The following CCDC91 variants were observed in gnomAD, a reference collection of about 807,000 sequenced individuals.
The protein encoded by CCDC91 is coiled-coil domain-containing protein 91.
CCDC91 carries 48 observed loss-of-function variants against 63.2 expected under a neutral mutation model. That is an observed-to-expected ratio of 0.76 (90% confidence interval 0.60 to 0.97). The LOEUF is 0.97. CCDC91 is among the 50% of genes least tolerant of loss of function. The probability of loss-of-function intolerance (pLI) is 0.00; values close to 1 mark genes in which losing one functional copy is unlikely to be tolerated. For missense variants in CCDC91, 500 were observed against 494.6 expected, an observed-to-expected ratio of 1.01 and a Z score of -0.10; for synonymous variants, 167 against 165.8, an observed-to-expected ratio of 1.01 and a Z score of -0.06.
chr12:28,416,839 A>G (rs1592610192), intron 8 of CCDC91, among the ~76,000 whole-genome samples: 1 of 152,146 alleles, frequency 6.6e-6, no homozygotes, highest in South Asian at 2.1e-4. Flanking sequence ...AACTATAGCA[A>G]TGGTTATACA....
At chr12:28,267,379 T>A (rs1947261059) in intron 3 of CCDC91, among the ~76,000 whole-genome samples, 1 of 151,496 alleles carries the variant, frequency 6.6e-6, no homozygotes, top group Admixed American at 6.6e-5. Context: ...TAGTACTGTT[T>A]TTTAAGGATA....
At chr12:28,379,171 T>G (rs1296839296) in intron 7 of CCDC91, among the ~76,000 whole-genome samples, 1 of 151,832 alleles carries the variant, frequency 6.6e-6, no homozygotes, top group Admixed American at 6.6e-5. Flanking sequence ...TAAAAGACCT[T>G]AAGATGTGTA....
intron 12 of CCDC91, among the ~76,000 whole-genome samples, chr12:28,501,770 C>T (rs1446916162): frequency 6.6e-6 from 1 of 151,798 alleles, no homozygotes; most frequent in African/African-American, 2.4e-5. Flanking sequence ...GGAATAGTTT[C>T]AGAAGGAATG....
chr12:28,536,595 C>A (rs1302306768), intron 12 of CCDC91, among the ~76,000 whole-genome samples: 1 of 152,090 alleles, frequency 6.6e-6, no homozygotes, highest in African/African-American at 2.4e-5. Context: ...CCAGTTTGTT[C>A]TTCTGTACAA....
intron 3 of CCDC91, among the ~76,000 whole-genome samples, chr12:28,299,780 A>G (rs1048083987): frequency 1.3e-5 from 2 of 151,264 alleles, no homozygotes; most frequent in African/African-American, 4.8e-5. Flanking sequence ...CCTTTTGTAT[A>G]TTTTCATTTT....
intron 2 of CCDC91, among the ~76,000 whole-genome samples, chr12:28,258,195 C>T (rs978378236): frequency 4.0e-5 from 6 of 151,664 alleles, no homozygotes; most frequent in African/African-American, 1.5e-4. Flanking sequence ...TTTAAGCATG[C>T]TTGTATGCTT....
At chr12:28,497,618 T>G (rs940156212) in intron 12 of CCDC91, among the ~76,000 whole-genome samples, 6 of 151,614 alleles carry the variant, frequency 4.0e-5, no homozygotes, top group African/African-American at 1.2e-4. Flanking sequence ...CAGGATAAGC[T>G]GTATATCCAG....
intron 12 of CCDC91, among the ~76,000 whole-genome samples, chr12:28,520,329 G>T (rs1940481190): frequency 6.6e-6 from 1 of 152,166 alleles, no homozygotes; most frequent in Admixed American, 6.5e-5. Flanking sequence ...CAGTGATGAT[G>T]AGAATTTTTT....
intron 1 of CCDC91, among the ~76,000 whole-genome samples, chr12:28,224,930 A>G (rs1205484608): frequency 6.6e-6 from 1 of 152,170 alleles, no homozygotes; most frequent in Non-Finnish European, 1.5e-5. Flanking sequence ...ATAACCAGGA[A>G]TAAGACTTGA....
At chr12:28,455,059 A>G (rs1949996356) in intron 11 of CCDC91, among the ~76,000 whole-genome samples, 1 of 152,146 alleles carries the variant, frequency 6.6e-6, no homozygotes, top group African/African-American at 2.4e-5. Flanking sequence ...AAGTAAATGA[A>G]TAATGTATCT....
At chr12:28,431,550 T>G (rs1325436270) in intron 8 of CCDC91, among the ~76,000 whole-genome samples, 2 of 152,082 alleles carry the variant, frequency 1.3e-5, no homozygotes, top group African/African-American at 4.8e-5. Context: ...ATTTTTCCAT[T>G]CATTAATTTT....
intron 3 of CCDC91, among the ~76,000 whole-genome samples, chr12:28,269,562 C>T (rs1947601635): frequency 6.6e-6 from 1 of 152,086 alleles, no homozygotes; most frequent in Non-Finnish European, 1.5e-5. Context: ...AACCCTGCCA[C>T]CCATGACTCC....
intron 8 of CCDC91, among the ~76,000 whole-genome samples, chr12:28,445,304 C>T (rs1188642797): frequency 6.6e-6 from 1 of 152,096 alleles, no homozygotes; most frequent in East Asian, 1.9e-4. Flanking sequence ...TATCCTACCT[C>T]TTAGTCCCCC....
chr12:28,201,342 C>T (rs12473302), intron 1 of CCDC91, among the ~76,000 whole-genome samples: 1 of 149,264 alleles, frequency 6.7e-6, no homozygotes. Context: ...CTCCTCACCT[C>T]CCAGACGGGG....
intron 11 of CCDC91, among the ~76,000 whole-genome samples, chr12:28,460,236 A>G (rs1332058922): frequency 1.3e-5 from 2 of 152,142 alleles, no homozygotes; most frequent in Non-Finnish European, 2.9e-5. Context: ...TAAGAACTGA[A>G]GAAGTTTGCC....
chr12:28,545,830 A>G (rs865796040), intron 12 of CCDC91, among the ~76,000 whole-genome samples: 3 of 152,118 alleles, frequency 2.0e-5, no homozygotes, highest in African/African-American at 4.8e-5. Flanking sequence ...TTTTGAATGC[A>G]CAAATTCAGA....
chr12:28,398,157 G>A (rs1378181374), intron 8 of CCDC91, among the ~76,000 whole-genome samples: 2 of 152,108 alleles, frequency 1.3e-5, no homozygotes, highest in Non-Finnish European at 2.9e-5. Flanking sequence ...AACACAAGAA[G>A]TTCTCTTATC....
intron 12 of CCDC91, among the ~76,000 whole-genome samples, chr12:28,502,161 A>G (rs1373591572): frequency 6.6e-6 from 1 of 151,722 alleles, no homozygotes; most frequent in Non-Finnish European, 1.5e-5. Flanking sequence ...AAACCAGCTC[A>G]TGATTGTATA....
At chr12:28,335,952 T>TAA (rs76089745) in intron 6 of CCDC91, among the ~76,000 whole-genome samples, 5 of 150,042 alleles carry the variant, frequency 3.3e-5, no homozygotes, top group African/African-American at 1.2e-4. Flanking sequence ...TTTTTTTTTT[T>TAA]AAAAAAAAAC....
Sources: gnomAD v4.1 joint callset for allele counts (sites outside exome capture counted in the v4.1 genomes callset) on GRCh38, gnomAD v4.1.1 for gene constraint, MANE v1.5 for transcripts, NCBI Gene and HGNC (gene_info 2026-07-23, HGNC 2026-07-21) for gene names.